KCNIP4: variants seen among roughly 807,000 people sequenced by gnomAD.
The protein encoded by KCNIP4 is Kv channel-interacting protein 4.
KCNIP4 carries 12 observed loss-of-function variants against 34.0 expected under a neutral mutation model. The observed-to-expected ratio is 0.35, with a 90% confidence interval of 0.23 to 0.57. KCNIP4 has a LOEUF of 0.57. Among genes scored for constraint, KCNIP4 ranks in the 20% least tolerant of loss-of-function variants. The pLI is 0.83. For synonymous variants in KCNIP4, 124 were observed against 102.2 expected (o/e 1.21, Z -1.29); for missense variants, 238 against 311.7 (o/e 0.76, Z 1.78).
intron 1 of KCNIP4, among the ~76,000 whole-genome samples, chr4:21,652,203 G>A (rs1021752196): frequency 2.6e-5 from 4 of 152,144 alleles, no homozygotes; most frequent in Admixed American, 2.0e-4. Context: ...TATCACACCA[G>A]CCTTAACAGT....
At chr4:21,022,878 T>C (rs1364046746) in intron 1 of KCNIP4, among the ~76,000 whole-genome samples, 1 of 152,114 alleles carries the variant, frequency 6.6e-6, no homozygotes, top group Non-Finnish European at 1.5e-5. Context: ...CAGTCTGGAG[T>C]GCAGTGGTGT....
chr4:20,915,058 C>A (rs979355563), intron 1 of KCNIP4, among the ~76,000 whole-genome samples: 2 of 152,194 alleles, frequency 1.3e-5, no homozygotes, highest in African/African-American at 4.8e-5. Context: ...TGCTTGTGTT[C>A]CCTATCCTGA....
intron 1 of KCNIP4, among the ~76,000 whole-genome samples, chr4:21,076,541 A>G (rs950766850): frequency 1.3e-5 from 2 of 152,190 alleles, no homozygotes; most frequent in Admixed American, 6.6e-5. Flanking sequence ...AAATATGGAC[A>G]TATAATTATA....
chr4:21,930,276 G>C (rs1343929762), intron 1 of KCNIP4, among the ~76,000 whole-genome samples: 2 of 152,036 alleles, frequency 1.3e-5, no homozygotes, highest in African/African-American at 4.8e-5. Context: ...GATTATACCT[G>C]CTACTGTATC....
At chr4:21,424,064 C>A (rs1183921034) in intron 1 of KCNIP4, among the ~76,000 whole-genome samples, 2 of 151,258 alleles carry the variant, frequency 1.3e-5, no homozygotes, top group Non-Finnish European at 2.9e-5. Context: ...CATGATCCAC[C>A]CGCCTTGGCC....
rs146311553 is a variant in KCNIP4 at position 21,090,407 on chromosome 4, C to T, written c.62-207698G>A. Among the ~76,000 whole-genome samples, 807 of 152,214 alleles carry T rather than the reference C, an allele frequency of 5.3e-3. 7 individuals carry two copies. Among genetic ancestry groups the T allele is most frequent in the African/African-American group, 0.019 (769 of 41,532 alleles). On this transcript the variant is annotated intron_variant, in intron 1 of 8. Transcript: ENST00000382152. ...CACAGCCCTGAGAGGAATCTAGAAA[C>T]AAGTCTGCAGCTAAAAAGAAGCAGC...
intron 3 of KCNIP4, among the ~76,000 whole-genome samples, chr4:20,796,506 T>G (rs9998730): frequency 0.48 from 73,478 of 151,778 alleles, 18,109 homozygotes; most frequent in East Asian, 0.7. Flanking sequence ...CATATAGGAG[T>G]CTGACTCTGC....
At chr4:20,977,212 T>G (rs1336424713) in intron 1 of KCNIP4, among the ~76,000 whole-genome samples, 1 of 152,178 alleles carries the variant, frequency 6.6e-6, no homozygotes, top group African/African-American at 2.4e-5. Context: ...CTTTACCTAT[T>G]ACAGCTTTTG....
At chr4:21,926,456 T>C (rs1209952121) in intron 1 of KCNIP4, among the ~76,000 whole-genome samples, 1 of 152,206 alleles carries the variant, frequency 6.6e-6, no homozygotes, top group East Asian at 1.9e-4. Flanking sequence ...GTGTTTTCAC[T>C]ATTTGAATCA....
chr4:21,085,326 C>T (rs369878088), intron 1 of KCNIP4, among the ~76,000 whole-genome samples: 4 of 152,296 alleles, frequency 2.6e-5, no homozygotes, highest in African/African-American at 9.6e-5. Flanking sequence ...CCCGATCTCA[C>T]ACTTCCAGGC....
At chr4:21,034,294 G>C (rs934624151) in intron 1 of KCNIP4, among the ~76,000 whole-genome samples, 1 of 152,104 alleles carries the variant, frequency 6.6e-6, no homozygotes, top group Non-Finnish European at 1.5e-5. Flanking sequence ...AGAATCATTG[G>C]TATTTGTTTA....
intron 1 of KCNIP4, among the ~76,000 whole-genome samples, chr4:21,136,980 T>G (rs1461729790): frequency 6.6e-6 from 1 of 152,114 alleles, no homozygotes. Context: ...CTTCCTTAAC[T>G]GCACACTGTG....
chr4:21,554,805 T>C (rs1738859453), intron 1 of KCNIP4, among the ~76,000 whole-genome samples: 1 of 152,148 alleles, frequency 6.6e-6, no homozygotes, highest in South Asian at 2.1e-4. Context: ...CCTCCTTTTC[T>C]GACTGTACAG....
chr4:20,933,427 G>C lies in KCNIP4; in HGVS notation c.62-50718C>G, dbSNP rs147349447. On this transcript the variant is annotated intron_variant, in intron 1 of 8. Coordinates refer to ENST00000382152, the MANE Select transcript of KCNIP4 (RefSeq NM_025221.6). The stretch of plus-strand genomic sequence containing the variant: ...ATAAGTAAATGTTCTAAGTTAATGA[G>C]AATACTGTGGAAATCCATAGAGTAG... 3.0e-4 allele frequency among the ~76,000 whole-genome samples: 45 copies of C among 152,180 alleles called. 1 individual carries two copies. The highest frequency in any genetic ancestry group is 2.9e-3 in the Admixed American group (45 of 15,276).
intron 1 of KCNIP4, among the ~76,000 whole-genome samples, chr4:21,376,520 T>G (rs1720974358): frequency 6.6e-6 from 1 of 152,218 alleles, no homozygotes; most frequent in African/African-American, 2.4e-5. Flanking sequence ...TCATTCAAGT[T>G]AGCTAGTTAC....
At chr4:21,043,957 T>C (rs1237021516) in intron 1 of KCNIP4, among the ~76,000 whole-genome samples, 1 of 152,098 alleles carries the variant, frequency 6.6e-6, no homozygotes. Context: ...CAAAATGCCA[T>C]TGGTTTCCAT....
intron 1 of KCNIP4, among the ~76,000 whole-genome samples, chr4:21,247,861 T>TACAC (rs1375382896): frequency 8.1e-6 from 1 of 123,392 alleles, no homozygotes; most frequent in African/African-American, 3.8e-5. Context: ...TATATATATA[T>TACAC]ATATACACAC....
chr4:20,953,053 C>T (rs1277078371), intron 1 of KCNIP4, among the ~76,000 whole-genome samples: 1 of 152,250 alleles, frequency 6.6e-6, no homozygotes, highest in Non-Finnish European at 1.5e-5. Flanking sequence ...TTAATACCAT[C>T]ATTTTGAGAA....
chr4:21,076,920 C>T (rs138803486), intron 1 of KCNIP4, among the ~76,000 whole-genome samples: 97 of 152,120 alleles, frequency 6.4e-4, no homozygotes, highest in African/African-American at 2.1e-3. Flanking sequence ...GTCAGGAGTT[C>T]GAGTCCAGTC....
Sources: allele counts gnomAD v4.1 joint callset (sites outside exome capture counted in the v4.1 genomes callset), GRCh38; gene constraint gnomAD v4.1.1; transcripts MANE v1.5; gene names NCBI Gene and HGNC (gene_info 2026-07-23, HGNC 2026-07-21).